The following PPARGC1B variants were observed in gnomAD, a reference collection of about 807,000 sequenced individuals.
PPARGC1B encodes the protein PPARG coactivator 1 beta.
A neutral mutation model predicts 101.6 loss-of-function variants in PPARGC1B; 34 were observed. The observed-to-expected ratio is 0.33, with a 90% confidence interval of 0.25 to 0.45. PPARGC1B has a LOEUF of 0.45. PPARGC1B is among the 20% of genes least tolerant of loss of function. The pLI is 1.00. For missense variants in PPARGC1B, 1,234 were observed against 1,317.6 expected (o/e 0.94, Z 0.98); for synonymous variants, 548 against 539.3 (o/e 1.02, Z -0.22).
chr5:149,767,488 C>T (rs907213521), intron 1 of PPARGC1B, among the ~76,000 whole-genome samples: 1 of 152,192 alleles, frequency 6.6e-6, no homozygotes, highest in African/African-American at 2.4e-5. Context: ...GATGTGCTCA[C>T]AGACATGGGG....
At position 149,830,748 on chromosome 5, in the gene PPARGC1B, C is replaced by A. The variant is rs749001892; in HGVS notation, c.466-19C>A. On this transcript the variant is annotated intron_variant, in intron 3 of 11. Transcript: ENST00000309241. ...CTGTGGCTCAGCCCCGGCTCCTGTCCTCTCTGCTTTTCCCTCAGCTGCAGA... is the reference window on the plus strand; with the variant it reads ...CTGTGGCTCAGCCCCGGCTCCTGTCATCTCTGCTTTTCCCTCAGCTGCAGA... The A allele has an allele frequency of 2.5e-6, 4 of 1,590,606 alleles. No homozygotes were observed. The highest frequency in any genetic ancestry group is 8.6e-7 in the Non-Finnish European group (1 of 1,158,566).
intron 1 of PPARGC1B, among the ~76,000 whole-genome samples, chr5:149,807,214 A>G (rs1320570857): frequency 6.6e-6 from 1 of 151,952 alleles, no homozygotes; most frequent in Non-Finnish European, 1.5e-5. Flanking sequence ...AAACAGTGGC[A>G]TTAAGTCCAT....
intron 1 of PPARGC1B, among the ~76,000 whole-genome samples, chr5:149,736,133 C>G (rs1754699218): frequency 6.6e-6 from 1 of 152,136 alleles, no homozygotes; most frequent in African/African-American, 2.4e-5. Flanking sequence ...CAGAGTGAGA[C>G]TCCATCTCCA....
rs1203252302 is a variant in PPARGC1B at position 149,830,452 on chromosome 5, A to T, written c.466-315A>T. The stretch of plus-strand genomic sequence containing the variant: ...TGTCCCAATAAAACTGTATCATAAT[A>T]TTTTAACAGTAGAATAGACAGACGT... On this transcript the variant is annotated intron_variant, in intron 3 of 11. Coordinates refer to ENST00000309241, the MANE Select transcript of PPARGC1B (RefSeq NM_133263.4). Among the ~76,000 whole-genome samples the T allele has an allele frequency of 2.0e-5, 3 of 152,214 alleles. No individual in the cohort carries two copies. In the East Asian group the frequency reaches 5.8e-4, roughly 29 times the overall value.
chr5:149,836,979 A>T lies in PPARGC1B; in HGVS notation c.2524A>T (p.Ser842Cys), dbSNP rs764250865. 2.5e-6 allele frequency: 4 copies of T among 1,614,048 alleles called. No homozygotes were observed. The Admixed American group carries it at 6.7e-5, about 27-fold the overall frequency. Residue 842 changes from serine to cysteine, a missense_variant, in exon 8 of 12, where the codon AGC becomes TGC. By Grantham distance (112) the Ser-to-Cys change is moderately radical (BLOSUM62 -1). Transcript: ENST00000309241. The part of the protein sequence containing the change: ...SDHCPYQSPP[S>C]KANRQLCSRS... ...CCACTGCCCCTACCAGAGCCCACCA[A>T]GCAAGGCCAACCGGCAGCTCTGTTC...
At chr5:149,791,013 G>A (rs1756995768) in intron 1 of PPARGC1B, among the ~76,000 whole-genome samples, 1 of 152,062 alleles carries the variant, frequency 6.6e-6, no homozygotes. Flanking sequence ...TTTGGACCAG[G>A]TGTGGTGGTT....
At chr5:149,761,346 G>A (rs1179794962) in intron 1 of PPARGC1B, 3 of 152,160 alleles carry the variant, frequency 2.0e-5, no homozygotes, top group East Asian at 1.9e-4. Flanking sequence ...CATCGCTGTA[G>A]TGTAGATCTC....
chr5:149,769,962 T>A (rs1449151123), intron 1 of PPARGC1B, among the ~76,000 whole-genome samples: 1 of 152,110 alleles, frequency 6.6e-6, no homozygotes, highest in Non-Finnish European at 1.5e-5. Flanking sequence ...AGAGTCCCTT[T>A]TGCCCTGTAA....
chr5:149,838,384 C>T (rs183419846), intron 8 of PPARGC1B, among the ~76,000 whole-genome samples: 23 of 152,250 alleles, frequency 1.5e-4, no homozygotes, highest in Non-Finnish European at 2.8e-4. Context: ...AGCTAGGATT[C>T]GTCAGTCACA....
intron 1 of PPARGC1B, 69 bp from the exon 2 acceptor site, chr5:149,820,364 T>G: frequency 4.8e-6 from 7 of 1,461,970 alleles, no homozygotes; most frequent in Non-Finnish European, 6.6e-6. Flanking sequence ...GCATCATTAT[T>G]GAGAGGGCCC....
chr5:149,789,625 T>G (rs950291822), intron 1 of PPARGC1B, among the ~76,000 whole-genome samples: 2 of 152,212 alleles, frequency 1.3e-5, no homozygotes, highest in Non-Finnish European at 2.9e-5. Flanking sequence ...CCTATTGTTA[T>G]CCTCATCTTA....
intron 1 of PPARGC1B, among the ~76,000 whole-genome samples, chr5:149,780,490 G>A (rs1460540256): frequency 6.7e-6 from 1 of 148,232 alleles, no homozygotes; most frequent in Non-Finnish European, 1.5e-5. Flanking sequence ...TGTGTACAGT[G>A]AGAGGTTTGA....
chr5:149,819,561 G>T (rs1304612596), intron 1 of PPARGC1B, among the ~76,000 whole-genome samples: 2 of 151,994 alleles, frequency 1.3e-5, no homozygotes, highest in Non-Finnish European at 2.9e-5. Flanking sequence ...GGAGTGCAGT[G>T]GCTCGATCTC....
Position 149,842,298 on chromosome 5 carries a change from A to G in PPARGC1B, c.2737A>G (p.Met913Val). ...GTACATTCAAAATCTCTCCAGCGAC[A>G]TGAGCTCCCGAGAGCTGAAGAGGCG... ...VVYIQNLSSD[M>V]SSRELKRRFE... Residue 913 changes from methionine (M) to valine (V), a missense_variant, in exon 10 of 12, where the codon ATG becomes GTG. Met to Val is a conservative substitution (Grantham distance 21, BLOSUM62 1). This residue lies in a region of PPARGC1B where 497 missense variants were observed against 529.5 expected (regional missense o/e 0.94). Coordinates refer to ENST00000309241, the MANE Select transcript of PPARGC1B (RefSeq NM_133263.4). The G allele has an allele frequency of 1.9e-6, 3 of 1,614,152 alleles. No homozygotes were observed. The highest frequency in any genetic ancestry group is 2.2e-5 in the South Asian group (2 of 91,080).
chr5:149,780,902 G>C (rs993669430), intron 1 of PPARGC1B, among the ~76,000 whole-genome samples: 3 of 152,166 alleles, frequency 2.0e-5, no homozygotes, highest in Non-Finnish European at 4.4e-5. Context: ...GTTCTGGCTC[G>C]AGCTAAGAAG....
At chr5:149,773,427 A>G (rs891764919) in intron 1 of PPARGC1B, among the ~76,000 whole-genome samples, 5 of 152,158 alleles carry the variant, frequency 3.3e-5, no homozygotes, top group Non-Finnish European at 7.4e-5. Context: ...ACAGGGGAAG[A>G]CACCTGCGGC....
rs574291916 is a variant in PPARGC1B at position 149,849,833 on chromosome 5, A to G, written c.*2275A>G. Reference sequence around the variant, plus strand: ...CGGTAGACGAATGACAGACAGGAACATATTTGGGGAAGGCAGGGCTTAGGA... The same window carrying G: ...CGGTAGACGAATGACAGACAGGAACGTATTTGGGGAAGGCAGGGCTTAGGA... On this transcript the variant is annotated 3_prime_UTR_variant, in exon 12 of 12. Coordinates refer to ENST00000309241, the MANE Select transcript of PPARGC1B (RefSeq NM_133263.4). 3.3e-5 allele frequency: 5 copies of G among 152,326 alleles called. No homozygotes were observed. The highest frequency in any genetic ancestry group is 7.3e-5 in the Non-Finnish European group (5 of 68,046). The allele number at this position is 152,326 out of a possible 1,614,324, so 9.4% of individuals were successfully genotyped here. A position where few individuals can be genotyped will look rare whatever the true frequency, so the allele number is the denominator to read the frequency against.
At chr5:149,750,479 TA>T in intron 1 of PPARGC1B, among the ~76,000 whole-genome samples, 2 of 119,916 alleles carry the variant, frequency 1.7e-5, no homozygotes, top group African/African-American at 3.3e-5. Context: ...TATATATATA[TA>T]TATATATATG....
At position 149,836,971 on chromosome 5, in the gene PPARGC1B, G is replaced by A. The variant is rs753281223; in HGVS notation, c.2516G>A (p.Ser839Asn). 2.5e-6 allele frequency: 4 copies of A among 1,613,962 alleles called. No individual in the cohort carries two copies. The highest frequency in any genetic ancestry group is 3.3e-5 in the Admixed American group (2 of 60,006). ...TGCTCTGACCACTGCCCCTACCAGA[G>A]CCCACCAAGCAAGGCCAACCGGCAG... ...PTCSDHCPYQ[S>N]PPSKANRQLC... Residue 839 changes from serine (S) to asparagine (N), a missense_variant, in exon 8 of 12, where the codon AGC becomes AAC. By Grantham distance (46) the Ser-to-Asn change is conservative (BLOSUM62 1). Coordinates refer to ENST00000309241, the MANE Select transcript of PPARGC1B (RefSeq NM_133263.4).
Sources: allele counts gnomAD v4.1 joint callset (sites outside exome capture counted in the v4.1 genomes callset), GRCh38; gene constraint gnomAD v4.1.1; regional missense constraint gnomAD v4.1.1; transcripts MANE v1.5; gene names NCBI Gene and HGNC (gene_info 2026-07-23, HGNC 2026-07-21).